Variants in EPHA6 observed in about 807,000 individuals in gnomAD.
The protein encoded by EPHA6 is EPH receptor A6.
A neutral mutation model predicts 112.0 loss-of-function variants in EPHA6; 50 were observed. The observed-to-expected ratio is 0.45, with a 90% confidence interval of 0.36 to 0.56. EPHA6 has a LOEUF of 0.56. Ranked by LOEUF, EPHA6 falls within the 20% of genes least tolerant of loss-of-function variation. EPHA6 has a pLI of 0.00. For synonymous variants in EPHA6, 529 were observed against 490.7 expected, an observed-to-expected ratio of 1.08 and a Z score of -1.03; for missense variants, 1,280 against 1,417.4, an observed-to-expected ratio of 0.90 and a Z score of 1.56.
intron 10 of EPHA6, among the ~76,000 whole-genome samples, chr3:97,510,839 A>G (rs2092350636): frequency 6.6e-6 from 1 of 152,222 alleles, no homozygotes; most frequent in Non-Finnish European, 1.5e-5. Context: ...ACTTTTATCT[A>G]TAAGCCCCTG....
chr3:96,942,278 C>T (rs2041004937), intron 2 of EPHA6, among the ~76,000 whole-genome samples: 2 of 152,188 alleles, frequency 1.3e-5, no homozygotes, highest in African/African-American at 4.8e-5. Context: ...TCCAGCTTCC[C>T]AGCTGCTTTG....
At chr3:97,147,804 G>A (rs1471803336) in intron 3 of EPHA6, among the ~76,000 whole-genome samples, 2 of 151,982 alleles carry the variant, frequency 1.3e-5, no homozygotes, top group East Asian at 1.9e-4. Flanking sequence ...TCACAGACTC[G>A]GGGTGATAAC....
intron 5 of EPHA6, among the ~76,000 whole-genome samples, chr3:97,327,879 ATG>A (rs2082522849): frequency 6.8e-6 from 1 of 147,626 alleles, no homozygotes; most frequent in South Asian, 2.1e-4. Context: ...ATATATGTAT[ATG>A]TGTGTATATA....
intron 10 of EPHA6, among the ~76,000 whole-genome samples, chr3:97,502,832 C>CAAAAAAAAAAA (rs397990595): frequency 8.4e-5 from 3 of 35,898 alleles, no homozygotes; most frequent in African/African-American, 9.7e-5. Context: ...GACTCTGTCT[C>CAAAAAAAAAAA]AAAAAAAAAA....
chr3:97,238,007 T>C (rs985489689), intron 4 of EPHA6, among the ~76,000 whole-genome samples: 1 of 151,996 alleles, frequency 6.6e-6, no homozygotes, highest in African/African-American at 2.4e-5. Flanking sequence ...AATTAGTTAT[T>C]CTATGGACTA....
chr3:97,394,170 G>A (rs763113243), intron 5 of EPHA6, among the ~76,000 whole-genome samples: 1 of 151,548 alleles, frequency 6.6e-6, no homozygotes, highest in Non-Finnish European at 1.5e-5. Context: ...ACTGGAGAAA[G>A]GTCAGTCTCT....
chr3:96,979,925 GAGTTC>G (rs1337502999), intron 2 of EPHA6, among the ~76,000 whole-genome samples: 3 of 152,086 alleles, frequency 2.0e-5, no homozygotes, highest in Non-Finnish European at 2.9e-5. Flanking sequence ...AAATTTGTTT[GAGTTC>G]ATTGTAGATG....
intron 3 of EPHA6, among the ~76,000 whole-genome samples, chr3:97,211,174 TAAGAAATTGTCAA>T (rs2077863190): frequency 1.3e-5 from 2 of 152,200 alleles, no homozygotes; most frequent in African/African-American, 4.8e-5. Context: ...TGAGTGTCTA[TAAGAAATTGTCAA>T]AAGAACATAT....
At chr3:97,745,569 T>A in intron 16 of EPHA6, 1 of 237,178 alleles carries the variant, frequency 4.2e-6, no homozygotes, top group Non-Finnish European at 8.4e-6. Flanking sequence ...ACAAGGTATA[T>A]GCATTTAATT....
intron 11 of EPHA6, among the ~76,000 whole-genome samples, chr3:97,586,111 C>T (rs6439265): frequency 0.28 from 42,385 of 152,032 alleles, 9,231 homozygotes; most frequent in African/African-American, 0.6. Flanking sequence ...TGTCACTTTT[C>T]ATTTGATCAT....
chr3:97,329,473 C>A (rs1576989928), intron 5 of EPHA6, among the ~76,000 whole-genome samples: 1 of 147,680 alleles, frequency 6.8e-6, no homozygotes, highest in South Asian at 2.1e-4. Context: ...TCCTCTCCAG[C>A]ACCTGTTGCT....
chr3:97,728,885 C>G (rs559838616), intron 15 of EPHA6, among the ~76,000 whole-genome samples: 1 of 152,098 alleles, frequency 6.6e-6, no homozygotes, highest in Non-Finnish European at 1.5e-5. Flanking sequence ...AACTTTTTAA[C>G]ATATGAGAGT....
chr3:97,650,042 A>G (rs1212764222), intron 14 of EPHA6, among the ~76,000 whole-genome samples: 2 of 152,184 alleles, frequency 1.3e-5, no homozygotes, highest in African/African-American at 4.8e-5. Flanking sequence ...CTAATACAAA[A>G]GATATATTCT....
intron 14 of EPHA6, among the ~76,000 whole-genome samples, chr3:97,649,969 A>C (rs1028515882): frequency 1.3e-5 from 2 of 152,144 alleles, no homozygotes; most frequent in African/African-American, 4.8e-5. Flanking sequence ...CATGAAGAGA[A>C]AATCTGACAG....
At chr3:97,004,598 C>T (rs1011816272) in intron 3 of EPHA6, among the ~76,000 whole-genome samples, 5 of 152,178 alleles carry the variant, frequency 3.3e-5, no homozygotes, top group African/African-American at 1.2e-4. Flanking sequence ...GTTTCCCATT[C>T]ACTCTGATGA....
At chr3:96,858,111 C>T (rs1021928831) in intron 1 of EPHA6, among the ~76,000 whole-genome samples, 1 of 152,154 alleles carries the variant, frequency 6.6e-6, no homozygotes, top group Admixed American at 6.5e-5. Flanking sequence ...CTTGAATACT[C>T]GTCAAGTGGA....
chr3:97,252,905 G>C (rs909864831), intron 5 of EPHA6, among the ~76,000 whole-genome samples: 1 of 152,170 alleles, frequency 6.6e-6, no homozygotes, highest in Admixed American at 6.5e-5. Flanking sequence ...AAGTGGTAAT[G>C]TCACTGTTTT....
At chr3:97,064,574 T>C (rs1166668253) in intron 3 of EPHA6, among the ~76,000 whole-genome samples, 2 of 152,184 alleles carry the variant, frequency 1.3e-5, no homozygotes, top group East Asian at 1.9e-4. Flanking sequence ...TAGTAGTATG[T>C]CAATAATATC....
At chr3:97,095,222 G>T (rs2047199893) in intron 3 of EPHA6, among the ~76,000 whole-genome samples, 1 of 151,762 alleles carries the variant, frequency 6.6e-6, no homozygotes, top group African/African-American at 2.4e-5. Context: ...GTATGAGATG[G>T]TATCTCATTG....
Sources: gnomAD v4.1 joint callset for allele counts (sites outside exome capture counted in the v4.1 genomes callset) on GRCh38, gnomAD v4.1.1 for gene constraint, MANE v1.5 for transcripts, NCBI Gene and HGNC (gene_info 2026-07-23, HGNC 2026-07-21) for gene names.